Variants in KLHL29 observed in about 807,000 individuals in gnomAD.
The protein encoded by KLHL29 is kelch like family member 29, also known as kelch-like protein 29.
KLHL29 carries 21 observed loss-of-function variants against 80.4 expected under a neutral mutation model. That is an observed-to-expected ratio of 0.26 (90% CI 0.19 to 0.38). The LOEUF (loss-of-function observed/expected upper bound fraction) is 0.38, where lower values mean the gene tolerates loss of function less well. Among genes scored for constraint, KLHL29 ranks in the 10% least tolerant of loss-of-function variants. The pLI is 1.00. For synonymous variants in KLHL29, 511 were observed against 526.8 expected (o/e 0.97, Z 0.41); for missense variants, 867 against 1,223.9 (o/e 0.71, Z 4.35).
chr2:23,444,808 G>A (rs919753896), intron 1 of KLHL29, among the ~76,000 whole-genome samples: 2 of 152,052 alleles, frequency 1.3e-5, no homozygotes, highest in Non-Finnish European at 2.9e-5. Flanking sequence ...ACAGATGTAC[G>A]ATCAGAGTTC....
intron 2 of KLHL29, among the ~76,000 whole-genome samples, chr2:23,561,568 C>T (rs1339911676): frequency 6.6e-6 from 1 of 152,160 alleles, no homozygotes; most frequent in African/African-American, 2.4e-5. Context: ...GCTGGGGATC[C>T]TGGACTCTTT....
At chr2:23,576,807 G>T (rs531171209) in intron 3 of KLHL29, among the ~76,000 whole-genome samples, 3 of 152,152 alleles carry the variant, frequency 2.0e-5, no homozygotes, top group Non-Finnish European at 4.4e-5. Context: ...GCCTCCAGTC[G>T]CTGGAACTCT....
intron 1 of KLHL29, among the ~76,000 whole-genome samples, chr2:23,460,477 A>T (rs2103427774): frequency 6.6e-6 from 1 of 152,288 alleles, no homozygotes; most frequent in South Asian, 2.1e-4. Context: ...GCTGCTAAGC[A>T]TCTTAAAATG....
At chr2:23,575,298 G>A (rs1326685062) in intron 3 of KLHL29, among the ~76,000 whole-genome samples, 1 of 152,186 alleles carries the variant, frequency 6.6e-6, no homozygotes, top group East Asian at 1.9e-4. Context: ...CAGGTTATAT[G>A]TCTCACCAGC....
intron 6 of KLHL29, among the ~76,000 whole-genome samples, chr2:23,686,723 G>A (rs1428760354): frequency 6.6e-6 from 1 of 152,148 alleles, no homozygotes; most frequent in African/African-American, 2.4e-5. Flanking sequence ...AGGTCCCCAG[G>A]TTGGGCCACC....
chr2:23,576,736 A>G (rs1333168349), intron 3 of KLHL29, among the ~76,000 whole-genome samples: 1 of 152,238 alleles, frequency 6.6e-6, no homozygotes, highest in South Asian at 2.1e-4. Context: ...CGCCGCGTCC[A>G]GCAATGGACT....
In KLHL29 at chr2:23,695,915, A is replaced by T. The variant is rs890866410; in HGVS notation, c.1742-36A>T. The T allele has an allele frequency of 1.3e-6, 2 of 1,545,728 alleles. No homozygotes were observed. Among genetic ancestry groups the T allele is most frequent in the Admixed American group, 2.0e-5 (1 of 50,760 alleles). ...CAGGCACAGATGCCGACAGTCTTAG[A>T]GTGTGTCCCAAGGGCGCCCATCCAT... On this transcript the variant is annotated intron_variant, in intron 9 of 13. Coordinates refer to ENST00000486442, the MANE Select transcript of KLHL29 (RefSeq NM_052920.2). The surrounding 1 kb of genome is among the most constrained non-coding windows in gnomAD (Gnocchi z 7.6).
intron 2 of KLHL29, among the ~76,000 whole-genome samples, chr2:23,495,804 G>A (rs948266043): frequency 2.0e-5 from 3 of 152,224 alleles, no homozygotes; most frequent in African/African-American, 7.2e-5. Context: ...ATCCCGCCAC[G>A]ACTGTAGCAC....
rs912557808 is a variant in KLHL29, at chr2:23,682,744, G to A, written c.941-1655G>A. Reference sequence around the variant, plus strand: ...CTGAGCCTGTTGGTCTCTGTCTGTAGCTCCCACCCCCCTTGCTCCGGGTCT... The same window carrying A: ...CTGAGCCTGTTGGTCTCTGTCTGTAACTCCCACCCCCCTTGCTCCGGGTCT... On this transcript the variant is annotated intron_variant, in intron 5 of 13. Coordinates refer to ENST00000486442, the MANE Select transcript of KLHL29 (RefSeq NM_052920.2). This position sits in a 1 kb window ranked among gnomAD's most constrained non-coding sequence, Gnocchi z 4.1. Among the ~76,000 whole-genome samples the A allele has an allele frequency of 6.6e-6, 1 of 151,928 alleles. No homozygotes were observed. The highest frequency in any genetic ancestry group is 6.6e-5 in the Admixed American group (1 of 15,266).
chr2:23,585,062 A>G (rs1403712953), intron 3 of KLHL29, among the ~76,000 whole-genome samples: 1 of 152,354 alleles, frequency 6.6e-6, no homozygotes, highest in South Asian at 2.1e-4. Flanking sequence ...TAAGGAGATT[A>G]TGCAGAAGAC....
chr2:23,692,802 T>C (rs1055245767), intron 7 of KLHL29, among the ~76,000 whole-genome samples: 154 of 151,392 alleles, frequency 1.0e-3, no homozygotes, highest in African/African-American at 3.5e-3. Context: ...CCAGATTGAG[T>C]GGGGCAGAAG....
intron 5 of KLHL29, among the ~76,000 whole-genome samples, chr2:23,675,694 ATCTC>A (rs1432272052): frequency 1.3e-4 from 20 of 152,104 alleles, no homozygotes; most frequent in Admixed American, 1.3e-3. Context: ...GAATAATTAA[ATCTC>A]TCCCCAAGGA....
intron 2 of KLHL29, among the ~76,000 whole-genome samples, chr2:23,542,257 A>G (rs1239706261): frequency 1.3e-5 from 2 of 152,154 alleles, no homozygotes; most frequent in Non-Finnish European, 2.9e-5. Context: ...GTATTTGTTA[A>G]GGAACAAAAA....
At chr2:23,602,715 AAGTGCTGGGATTACAGGCGTG>A (rs1299276089) in intron 3 of KLHL29, among the ~76,000 whole-genome samples, 5 of 151,522 alleles carry the variant, frequency 3.3e-5, no homozygotes, top group Non-Finnish European at 7.4e-5. Flanking sequence ...CAGCCTCCAA[AAGTGCTGGGATTACAGGCGTG>A]AGGCACCACT....
At chr2:23,486,413 C>T (rs987978258) in intron 2 of KLHL29, among the ~76,000 whole-genome samples, 2 of 151,644 alleles carry the variant, frequency 1.3e-5, no homozygotes, top group African/African-American at 4.8e-5. Context: ...ATGTCCGTGC[C>T]CCTCTTTGGA....
chr2:23,634,459 G>A (rs182250547), intron 3 of KLHL29, among the ~76,000 whole-genome samples: 69 of 152,258 alleles, frequency 4.5e-4, no homozygotes, highest in African/African-American at 1.6e-3. Context: ...TGTGGCCCAG[G>A]CCCAGCCCAT....
intron 3 of KLHL29, among the ~76,000 whole-genome samples, chr2:23,611,622 T>G (rs1668872917): frequency 6.6e-6 from 1 of 152,198 alleles, no homozygotes; most frequent in African/African-American, 2.4e-5. Context: ...ATTTCAAAAA[T>G]AATCAGATAC....
At chr2:23,415,630 T>C (rs1272655251) in intron 1 of KLHL29, among the ~76,000 whole-genome samples, 1 of 152,034 alleles carries the variant, frequency 6.6e-6, no homozygotes, top group Non-Finnish European at 1.5e-5. Flanking sequence ...GTTTCTGAGG[T>C]CCTGTTTTGT....
intron 6 of KLHL29, 40 bp from the exon 7 acceptor site, chr2:23,691,634 G>A (rs747616136): frequency 1.6e-5 from 25 of 1,523,882 alleles, no homozygotes; most frequent in African/African-American, 8.3e-5. Context: ...CACGGTGGCC[G>A]CAGGGCAGGA....
Sources: gnomAD v4.1 joint callset for allele counts (sites outside exome capture counted in the v4.1 genomes callset) on GRCh38, gnomAD v4.1.1 for gene constraint, Gnocchi (gnomAD v3.1) non-coding constraint, MANE v1.5 for transcripts, NCBI Gene and HGNC (gene_info 2026-07-23, HGNC 2026-07-21) for gene names.